SYT1: variants seen among roughly 807,000 people sequenced by gnomAD.
SYT1 encodes synaptotagmin-1.
SYT1 carries 8 observed loss-of-function variants against 44.8 expected under a neutral mutation model. That is an observed-to-expected ratio of 0.18 (90% CI 0.10 to 0.32). SYT1 has a LOEUF of 0.32. SYT1 is among the 10% of genes least tolerant of loss of function. SYT1 has a pLI of 1.00. For missense variants in SYT1, 286 were observed against 509.3 expected (o/e 0.56, Z 4.22); for synonymous variants, 154 against 188.8 (o/e 0.82, Z 1.51).
At chr12:79,201,723 A>G (rs1873800408) in intron 3 of SYT1, among the ~76,000 whole-genome samples, 1 of 152,178 alleles carries the variant, frequency 6.6e-6, no homozygotes, top group Non-Finnish European at 1.5e-5. Context: ...GAGCTACACA[A>G]TAGGAAAAGG....
At chr12:79,446,818 C>T (rs574538657) in intron 10 of SYT1, among the ~76,000 whole-genome samples, 7 of 152,058 alleles carry the variant, frequency 4.6e-5, no homozygotes, top group Non-Finnish European at 1.0e-4. Flanking sequence ...TTTTTTCCAA[C>T]GATTTATTTT....
chr12:79,085,816 C>G (rs1268650062), intron 3 of SYT1, among the ~76,000 whole-genome samples: 1 of 152,078 alleles, frequency 6.6e-6, no homozygotes, highest in African/African-American at 2.4e-5. Flanking sequence ...ATATGTAAAC[C>G]TGAGCCTGAG....
At chr12:79,357,691 C>T (rs544778458) in intron 9 of SYT1, among the ~76,000 whole-genome samples, 1 of 152,178 alleles carries the variant, frequency 6.6e-6, no homozygotes, top group Non-Finnish European at 1.5e-5. Context: ...TTGAATCTTG[C>T]AGGCTGCAAG....
At chr12:79,235,235 C>A (rs2138631700) in intron 4 of SYT1, among the ~76,000 whole-genome samples, 1 of 152,280 alleles carries the variant, frequency 6.6e-6, no homozygotes, top group East Asian at 1.9e-4. Flanking sequence ...TATGAGAGTT[C>A]TAGTTGCTCT....
intron 8 of SYT1, among the ~76,000 whole-genome samples, chr12:79,342,593 T>C (rs1346500882): frequency 6.6e-6 from 1 of 152,126 alleles, no homozygotes; most frequent in African/African-American, 2.4e-5. Context: ...ATTAAGAGGG[T>C]ATTGGAGTAA....
chr12:79,283,611 A>G (rs1285720485), intron 4 of SYT1, among the ~76,000 whole-genome samples: 1 of 152,184 alleles, frequency 6.6e-6, no homozygotes, highest in Non-Finnish European at 1.5e-5. Flanking sequence ...CTTTCCCGCA[A>G]TGAATACATA....
intron 3 of SYT1, among the ~76,000 whole-genome samples, chr12:79,202,131 A>G (rs1211388553): frequency 2.0e-5 from 3 of 152,138 alleles, no homozygotes; most frequent in African/African-American, 7.2e-5. Flanking sequence ...CAAATCAGAA[A>G]CTATATTCTT....
At position 79,010,974 on chromosome 12, in the gene SYT1, A is replaced by G. The variant is rs146229800; in HGVS notation, c.-84+33043A>G. Among the ~76,000 whole-genome samples, 538 of 152,322 alleles carry G rather than the reference A, an allele frequency of 3.5e-3. 3 individuals carry two copies. Among genetic ancestry groups the G allele is most frequent in the African/African-American group, 0.013 (523 of 41,586 alleles). On this transcript the variant is annotated intron_variant, in intron 2 of 10. Transcript: ENST00000261205. Reference sequence around the variant, plus strand: ...AGGAAGGACAGAGGTGTCTTGGTCTAGAATTGTACCTGCAGAGATGGTGAG... The same window carrying G: ...AGGAAGGACAGAGGTGTCTTGGTCTGGAATTGTACCTGCAGAGATGGTGAG...
chr12:79,433,764 G>A (rs1869928783), intron 9 of SYT1, among the ~76,000 whole-genome samples: 1 of 152,138 alleles, frequency 6.6e-6, no homozygotes, highest in Non-Finnish European at 1.5e-5. Flanking sequence ...CCAAAGAAAA[G>A]GAGAAACAGG....
At chr12:79,171,723 A>G (rs1871535703) in intron 3 of SYT1, among the ~76,000 whole-genome samples, 1 of 152,006 alleles carries the variant, frequency 6.6e-6, no homozygotes, top group African/African-American at 2.4e-5. Flanking sequence ...GAGTTGGACC[A>G]CATGGGTTTA....
chr12:79,434,172 C>G (rs960574238), intron 9 of SYT1, among the ~76,000 whole-genome samples: 6 of 152,082 alleles, frequency 3.9e-5, no homozygotes, highest in African/African-American at 9.7e-5. Flanking sequence ...TCAGCCTTTG[C>G]TATTTTATGA....
In SYT1 at chr12:79,063,700, C is replaced by G. The variant is rs906279305; in HGVS notation, c.-18+16338C>G. 6.6e-5 allele frequency among the ~76,000 whole-genome samples: 10 copies of G among 152,202 alleles called. 1 individual carries two copies. The South Asian group carries it at 1.7e-3, about 25-fold the overall frequency. On this transcript the variant is annotated intron_variant, in intron 3 of 10. Coordinates refer to ENST00000261205, the MANE Select transcript of SYT1 (RefSeq NM_005639.3). The stretch of plus-strand genomic sequence containing the variant: ...AAATTCTCTGAAATAATTTAGGGCT[C>G]TGAAATGGGAATTGGGTAAAGAAAA...
chr12:79,094,476 A>G (rs1353774714), intron 3 of SYT1, among the ~76,000 whole-genome samples: 1 of 151,892 alleles, frequency 6.6e-6, no homozygotes, highest in Non-Finnish European at 1.5e-5. Flanking sequence ...CTTGCACCAT[A>G]CATGCACACA....
chr12:79,197,150 G>A (rs951390960), intron 3 of SYT1, among the ~76,000 whole-genome samples: 21 of 152,286 alleles, frequency 1.4e-4, no homozygotes, highest in African/African-American at 4.8e-4. Context: ...GGAAATGGGG[G>A]AACCCAAACA....
At chr12:79,046,747 T>A (rs747288026) in intron 2 of SYT1, among the ~76,000 whole-genome samples, 16 of 152,020 alleles carry the variant, frequency 1.1e-4, no homozygotes, top group Non-Finnish European at 2.4e-4. Context: ...ACATGTATGT[T>A]TATCCTATGT....
intron 3 of SYT1, among the ~76,000 whole-genome samples, chr12:79,193,207 G>A (rs1405195287): frequency 1.3e-5 from 2 of 152,196 alleles, no homozygotes; most frequent in East Asian, 3.9e-4. Context: ...GGAGTTTACA[G>A]TATGACTTTT....
intron 8 of SYT1, among the ~76,000 whole-genome samples, chr12:79,314,032 GGT>G (rs1880949438): frequency 1.3e-5 from 2 of 150,922 alleles, no homozygotes; most frequent in Non-Finnish European, 2.9e-5. Context: ...AGCCGGGCGT[GGT>G]AGCGGGCGCC....
At chr12:79,241,966 A>G (rs556049719) in intron 4 of SYT1, among the ~76,000 whole-genome samples, 1 of 152,352 alleles carries the variant, frequency 6.6e-6, no homozygotes, top group East Asian at 1.9e-4. Flanking sequence ...TGATACATCT[A>G]TAAGCCTAGG....
chr12:79,316,456 T>C (rs1308304843), intron 8 of SYT1, among the ~76,000 whole-genome samples: 1 of 152,246 alleles, frequency 6.6e-6, no homozygotes, highest in Non-Finnish European at 1.5e-5. Flanking sequence ...GTTGTACAGC[T>C]TTCTGTGGAC....
Sources: allele counts gnomAD v4.1 joint callset (sites outside exome capture counted in the v4.1 genomes callset), GRCh38; gene constraint gnomAD v4.1.1; transcripts MANE v1.5; gene names NCBI Gene and HGNC (gene_info 2026-07-23, HGNC 2026-07-21).